COL18A1: variants seen among roughly 807,000 people sequenced by gnomAD.
COL18A1 encodes collagen alpha-1(XVIII) chain.
Under a neutral mutation model 168.0 loss-of-function variants are expected in COL18A1, and 133 were observed. The observed-to-expected ratio is 0.79, with a 90% CI of 0.69 to 0.91. The LOEUF is 0.91. COL18A1 is among the 40% of genes least tolerant of loss of function. The pLI, the probability that COL18A1 is intolerant of heterozygous loss-of-function variation, is 0.00. For synonymous variants in COL18A1, 949 were observed against 809.0 expected (o/e 1.17, Z -2.94); for missense variants, 2,126 against 1,925.4 (o/e 1.10, Z -1.95).
chr21:45,466,237 A>G (rs573594343), intron 2 of COL18A1, among the ~76,000 whole-genome samples: 12 of 152,308 alleles, frequency 7.9e-5, no homozygotes, highest in African/African-American at 2.9e-4. Flanking sequence ...AGTCCCAGCC[A>G]GAGGTACCCG....
Position 45,505,260 on chromosome 21 carries a change from C to T in COL18A1, c.2995C>T (p.Pro999Ser), listed in dbSNP as rs1218983087. 2 of 1,608,238 alleles carry T rather than the reference C, an allele frequency of 1.2e-6. No individual in the cohort carries two copies. The highest frequency in any genetic ancestry group is 1.7e-6 in the Non-Finnish European group (2 of 1,176,704). The change falls in exon 35 of 42, where the codon CCT becomes TCT. Residue 999 changes from proline to serine, a missense_variant. Transcript: ENST00000651438. Reference sequence around the variant, plus strand: ...AGGCCCCCCAGGGCCCCCTTCATTTCCTGGCCCTCACAGGCAGAGTAAGTC... The same window carrying T: ...AGGCCCCCCAGGGCCCCCTTCATTTTCTGGCCCTCACAGGCAGAGTAAGTC... Reference protein sequence around the residue: ...PPGPPGPPSFPGPHRQTISVP... With the variant: ...PPGPPGPPSFSGPHRQTISVP...
intron 16 of COL18A1, 85 bp from the exon 17 acceptor site, chr21:45,487,362 C>T (rs1361260996): frequency 3.3e-6 from 5 of 1,502,532 alleles, no homozygotes; most frequent in East Asian, 2.3e-5. Flanking sequence ...ATGTCCCACC[C>T]TCCTCTCGGG....
intron 17 of COL18A1, 28 bp from the exon 18 acceptor site, chr21:45,488,380 CCAGCTGCACT>C: frequency 6.2e-7 from 1 of 1,613,616 alleles, no homozygotes; most frequent in Non-Finnish European, 8.5e-7. Context: ...AGCAGGGCCT[CCAGCTGCACT>C]AACACTGTGT....
chr21:45,496,620 G>C (rs375362753), intron 30 of COL18A1, 52 bp downstream of exon 30: 233 of 864,250 alleles, frequency 2.7e-4, no homozygotes, highest in Middle Eastern at 2.5e-3. Context: ...CTGTCACACA[G>C]AGCCCCACAG....
chr21:45,450,981 A>C (rs1488467572), intron 2 of COL18A1, among the ~76,000 whole-genome samples: 1 of 152,248 alleles, frequency 6.6e-6, no homozygotes, highest in Non-Finnish European at 1.5e-5. Context: ...CTTAGGCTCC[A>C]GGGCCCTCGT....
At chr21:45,416,856 TC>T (rs1190831709) in intron 2 of COL18A1, among the ~76,000 whole-genome samples, 1 of 152,106 alleles carries the variant, frequency 6.6e-6, no homozygotes, top group East Asian at 1.9e-4. Context: ...CTGCATATGC[TC>T]GTTCTGCATA....
chr21:45,432,044 G>C (rs1270361612), intron 2 of COL18A1, among the ~76,000 whole-genome samples: 2 of 152,218 alleles, frequency 1.3e-5, no homozygotes, highest in Non-Finnish European at 1.5e-5. Context: ...AGCCTGCTGT[G>C]GGCTGCAGGC....
chr21:45,426,539 G>GCCCTGGAAGCCCCCGGAAA (rs2033807923), intron 2 of COL18A1, among the ~76,000 whole-genome samples: 1 of 152,208 alleles, frequency 6.6e-6, no homozygotes, highest in African/African-American at 2.4e-5. Context: ...ATCACGTCCG[G>GCCCTGGAAGCCCCCGGAAA]CCCTGGAAGC....
At position 45,509,538 on chromosome 21, in the gene COL18A1, G is replaced by A. The variant is rs1250372155; in HGVS notation, c.3432G>A (p.Val1144=). The change falls in exon 39 of 42, where the codon GTG becomes GTA. Residue 1144 remains valine (V), a synonymous_variant. Transcript: ENST00000651438. Reference sequence around the variant, plus strand: ...GAGCCCCGCACCACAGCTCCTACGTGCACCTGCGGCCGGCGCGACCCACAA... The same window carrying A: ...GAGCCCCGCACCACAGCTCCTACGTACACCTGCGGCCGGCGCGACCCACAA... ...YPGAPHHSSY[V]HLRPARPTSP... 1.3e-6 allele frequency: 2 copies of A among 1,538,864 alleles called. No homozygotes were observed. The highest frequency in any genetic ancestry group is 4.8e-5 in the East Asian group (2 of 41,622).
In COL18A1 at chr21:45,434,272, G is replaced by A. The variant is rs545878743; in HGVS notation, c.106+28799G>A. Among the ~76,000 whole-genome samples, 203 of 152,294 alleles carry A rather than the reference G, an allele frequency of 1.3e-3. 1 individual carries two copies. The highest frequency in any genetic ancestry group is 4.6e-3 in the African/African-American group (192 of 41,560). The stretch of plus-strand genomic sequence containing the variant: ...GGACAGAAGCATCTGACCAGAGGGT[G>A]CAGGGCCACAGCATTTCTGCCCTCG... On this transcript the variant is annotated intron_variant, in intron 2 of 41. Coordinates refer to ENST00000651438, the MANE Select transcript of COL18A1 (RefSeq NM_001379500.1).
At chr21:45,486,358 G>T in intron 15 of COL18A1, among the ~76,000 whole-genome samples, 1 of 128,286 alleles carries the variant, frequency 7.8e-6, no homozygotes, top group African/African-American at 3.6e-5. Context: ...TGGTCCCAGG[G>T]TCCTGAGCCT....
At chr21:45,409,029 C>G (rs2033207613) in intron 2 of COL18A1, among the ~76,000 whole-genome samples, 1 of 34,168 alleles carries the variant, frequency 2.9e-5, no homozygotes, top group Non-Finnish European at 5.2e-5. Context: ...CTGGCAGGGA[C>G]AAAGCTGGCT....
chr21:45,507,765 C>G (rs1400492342), intron 38 of COL18A1, among the ~76,000 whole-genome samples, 172 bp downstream of exon 38: 1 of 152,216 alleles, frequency 6.6e-6, no homozygotes. Flanking sequence ...CTACCTCTGT[C>G]TCAGCGCTGG....
At position 45,505,160 on chromosome 21, in the gene COL18A1, C is replaced by A. The variant is rs774145080; in HGVS notation, c.2895C>A (p.Gly965=). 17 of 1,607,962 alleles carry A rather than the reference C, an allele frequency of 1.1e-5. No individual in the cohort carries two copies. In the South Asian group the frequency reaches 1.8e-4, roughly 17 times the overall value. The change falls in exon 35 of 42, where the codon GGC becomes GGA. Residue 965 remains glycine (G), a synonymous_variant. Transcript: ENST00000651438. ...GTCCCAAGGGAGAGAGCATCCGGGG[C>A]CAGCCCGGCCCACCTGGACCTCAGG... is the stretch of plus-strand genomic sequence containing the variant. The part of the protein sequence containing the change: ...IPGPKGESIR[G]QPGPPGPQGP...
chr21:45,467,486 G>A (rs2035254252), intron 2 of COL18A1: 3 of 955,120 alleles, frequency 3.1e-6, no homozygotes, highest in African/African-American at 3.5e-5. Context: ...GCATGGGGGG[G>A]ATGGGGAGAT....
chr21:45,500,496 T>G (rs2036736174), intron 32 of COL18A1, among the ~76,000 whole-genome samples: 3 of 45,082 alleles, frequency 6.7e-5, no homozygotes, highest in East Asian at 5.8e-4. Context: ...GTTGCGTGTG[T>G]AGTGTGGGGG....
At chr21:45,448,960 C>T (rs2034562657) in intron 2 of COL18A1, among the ~76,000 whole-genome samples, 1 of 152,190 alleles carries the variant, frequency 6.6e-6, no homozygotes, top group Admixed American at 6.5e-5. Flanking sequence ...CCTGCCTGCT[C>T]GTGTTTAGGT....
At chr21:45,433,047 C>T (rs2034005686) in intron 2 of COL18A1, among the ~76,000 whole-genome samples, 1 of 152,222 alleles carries the variant, frequency 6.6e-6, no homozygotes, top group South Asian at 2.1e-4. Flanking sequence ...GCAGTGTACA[C>T]AGATGTTAAT....
chr21:45,495,458 G>T, intron 29 of COL18A1, 26 bp downstream of exon 29: 2 of 1,580,026 alleles, frequency 1.3e-6, no homozygotes, highest in East Asian at 2.3e-5. Context: ...GGGGCGGACT[G>T]GGTGGCTGGG....
Sources: allele counts gnomAD v4.1 joint callset (sites outside exome capture counted in the v4.1 genomes callset), GRCh38; gene constraint gnomAD v4.1.1; transcripts MANE v1.5; gene names NCBI Gene and HGNC (gene_info 2026-07-23, HGNC 2026-07-21).